Variants in RBFOX3 observed in about 807,000 individuals in gnomAD.
RBFOX3 encodes the protein RNA binding protein fox-1 homolog 3.
Under a neutral mutation model 48.7 loss-of-function variants are expected in RBFOX3, and 17 were observed. The observed-to-expected ratio is 0.35, with a 90% CI of 0.24 to 0.52. The LOEUF is 0.52. Among genes scored for constraint, RBFOX3 ranks in the 20% least tolerant of loss-of-function variants. The pLI, the probability that RBFOX3 is intolerant of heterozygous loss-of-function variation, is 0.94. For missense variants in RBFOX3, 382 were observed against 497.5 expected, an observed-to-expected ratio of 0.77 and a Z score of 2.21; for synonymous variants, 212 against 209.5, an observed-to-expected ratio of 1.01 and a Z score of -0.10.
chr17:79,581,262 C>CA (rs2093048933), intron 1 of RBFOX3, among the ~76,000 whole-genome samples: 3 of 151,720 alleles, frequency 2.0e-5, no homozygotes, highest in Admixed American at 6.6e-5. Flanking sequence ...CAAAACAAAA[C>CA]AAACAAAAAA....
intron 3 of RBFOX3, among the ~76,000 whole-genome samples, chr17:79,275,073 G>GAGCC (rs1323843076): frequency 6.8e-6 from 1 of 146,422 alleles, no homozygotes; most frequent in Non-Finnish European, 1.5e-5. Flanking sequence ...CGGCCTTCCT[G>GAGCC]AGCCAGCCTG....
chr17:79,188,320 C>T (rs74001655), intron 4 of RBFOX3, among the ~76,000 whole-genome samples: 4 of 152,196 alleles, frequency 2.6e-5, no homozygotes, highest in Non-Finnish European at 4.4e-5. Context: ...TCCGGCTCAG[C>T]GGGGGTCCCC....
the RBFOX3 span, among the ~76,000 whole-genome samples, chr17:79,636,364 TGGGAATAAAGG>T: frequency 6.6e-6 from 1 of 152,140 alleles, no homozygotes; most frequent in Non-Finnish European, 1.5e-5. Flanking sequence ...TGCTGGGCCA[TGGGAATAAAGG>T]GGGCATTAAG....
intron 2 of RBFOX3, among the ~76,000 whole-genome samples, chr17:79,464,084 T>C (rs1431012902): frequency 8.5e-5 from 13 of 152,318 alleles, no homozygotes; most frequent in African/African-American, 3.1e-4. Flanking sequence ...CAACCACCAA[T>C]GATGGGGAAC....
At chr17:79,388,518 G>A (rs1364816967) in intron 2 of RBFOX3, among the ~76,000 whole-genome samples, 3 of 152,168 alleles carry the variant, frequency 2.0e-5, no homozygotes, top group Non-Finnish European at 4.4e-5. Flanking sequence ...CCAAAGGCAG[G>A]CATTTTTAAA....
chr17:79,411,252 G>A (rs747294305), intron 2 of RBFOX3, among the ~76,000 whole-genome samples: 6 of 152,016 alleles, frequency 3.9e-5, no homozygotes, highest in East Asian at 1.9e-4. Flanking sequence ...GAACTATATC[G>A]AAGGGTCCCA....
At chr17:79,445,551 G>A (rs1555737661) in intron 2 of RBFOX3, among the ~76,000 whole-genome samples, 1 of 152,118 alleles carries the variant, frequency 6.6e-6, no homozygotes, top group African/African-American at 2.4e-5. Context: ...CCACTTCCAG[G>A]ATCATCTCTC....
chr17:79,356,984 G>A (rs1303384277), intron 2 of RBFOX3, among the ~76,000 whole-genome samples: 2 of 152,268 alleles, frequency 1.3e-5, no homozygotes, highest in East Asian at 3.9e-4. Flanking sequence ...GAGAAGCTAT[G>A]TCCTAAAGTG....
intron 2 of RBFOX3, among the ~76,000 whole-genome samples, chr17:79,445,676 A>G (rs1200081748): frequency 6.6e-6 from 1 of 152,220 alleles, no homozygotes; most frequent in African/African-American, 2.4e-5. Context: ...GAGGCAGAAG[A>G]GTCCAAGATG....
At position 79,611,012 on chromosome 17, in the gene RBFOX3, C is replaced by T; in HGVS notation, c.-506G>A. 6.6e-6 allele frequency among the ~76,000 whole-genome samples: 1 copy of T among 151,370 alleles called. No individual in the cohort carries two copies. The highest frequency in any genetic ancestry group is 1.5e-5 in the Non-Finnish European group (1 of 67,628). On this transcript the variant is annotated 5_prime_UTR_variant, in exon 1 of 15. Coordinates refer to ENST00000693108, the MANE Select transcript of RBFOX3 (RefSeq NM_001350451.2). ...GCTTCTCCTCCGACCACGCGAGCTG[C>T]TGGGGCCCGGCTGGGGCCGCTGTCC...
At chr17:79,461,920 C>A (rs2075421853) in intron 2 of RBFOX3, among the ~76,000 whole-genome samples, 1 of 152,222 alleles carries the variant, frequency 6.6e-6, no homozygotes, top group South Asian at 2.1e-4. Flanking sequence ...AAGGGAAGTT[C>A]TTCCTCAAAG....
chr17:79,486,189 T>C (rs978845980), intron 1 of RBFOX3, among the ~76,000 whole-genome samples: 6 of 152,082 alleles, frequency 3.9e-5, no homozygotes, highest in East Asian at 1.9e-4. Context: ...GGGAGCGTAG[T>C]TGGGGGCTGG....
intron 1 of RBFOX3, among the ~76,000 whole-genome samples, chr17:79,592,616 A>G (rs1460611259): frequency 2.6e-5 from 4 of 151,512 alleles, no homozygotes; most frequent in African/African-American, 4.9e-5. Flanking sequence ...CCCTCCCCAC[A>G]CTCCCACCTG....
chr17:79,295,081 G>A (rs115049720), intron 3 of RBFOX3, among the ~76,000 whole-genome samples: 149 of 152,220 alleles, frequency 9.8e-4, no homozygotes, highest in African/African-American at 3.5e-3. Context: ...CTCTCGGCCC[G>A]GGTCAGAGAC....
chr17:79,573,555 C>T (rs1036343068), intron 1 of RBFOX3, among the ~76,000 whole-genome samples: 2 of 152,220 alleles, frequency 1.3e-5, no homozygotes, highest in Admixed American at 6.5e-5. Flanking sequence ...CTGACTTCCC[C>T]AGCACGGGAA....
the RBFOX3 span, among the ~76,000 whole-genome samples, chr17:79,648,099 T>C: frequency 6.6e-6 from 1 of 152,016 alleles, no homozygotes; most frequent in South Asian, 2.1e-4. Flanking sequence ...GGTCTGGGGG[T>C]GCAGTAGTGG....
intron 4 of RBFOX3, among the ~76,000 whole-genome samples, chr17:79,152,924 G>A (rs528932155): frequency 1.3e-5 from 2 of 152,330 alleles, no homozygotes; most frequent in South Asian, 4.1e-4. Flanking sequence ...TCCTGTGCTG[G>A]GGGTGTTTCC....
intron 2 of RBFOX3, among the ~76,000 whole-genome samples, chr17:79,383,658 G>T (rs1011297138): frequency 6.6e-6 from 1 of 152,190 alleles, no homozygotes; most frequent in Non-Finnish European, 1.5e-5. Flanking sequence ...TTCTGTGGGT[G>T]CAAGGTCAGG....
rs1190736369 is a variant in RBFOX3, at chr17:79,311,365, A to G, written c.-174-3541T>C. 6.7e-6 allele frequency among the ~76,000 whole-genome samples: 1 copy of G among 149,550 alleles called. No homozygotes were observed. Among genetic ancestry groups the G allele is most frequent in the Non-Finnish European group, 1.5e-5 (1 of 67,542 alleles). ...GGAGAATCACTCGAACCTGGGAGGC[A>G]GAGGTTGCAGTGAGCCAAGATCACA... On this transcript the variant is annotated intron_variant, in intron 2 of 14. Transcript: ENST00000693108. The surrounding 1 kb of genome is among the most constrained non-coding windows in gnomAD (Gnocchi z 4.2).
Sources: gnomAD v4.1 joint callset for allele counts (sites outside exome capture counted in the v4.1 genomes callset) on GRCh38, gnomAD v4.1.1 for gene constraint, Gnocchi (gnomAD v3.1) non-coding constraint, MANE v1.5 for transcripts, NCBI Gene and HGNC (gene_info 2026-07-23, HGNC 2026-07-21) for gene names.